Variants in KLHL29 observed in about 807,000 individuals in gnomAD.
The protein encoded by KLHL29 is kelch-like protein 29.
KLHL29 carries 21 observed loss-of-function variants against 80.4 expected under a neutral mutation model. The ratio of observed to expected loss-of-function variants is 0.26; its 90% CI spans 0.19 to 0.38. The LOEUF is 0.38. KLHL29 is among the 10% of genes least tolerant of loss of function. The pLI is 1.00. For synonymous variants in KLHL29, 511 were observed against 526.8 expected (o/e 0.97, Z 0.41); for missense variants, 867 against 1,223.9 (o/e 0.71, Z 4.35).
intron 1 of KLHL29, among the ~76,000 whole-genome samples, chr2:23,402,915 GTA>G (rs1666629338): frequency 1.3e-5 from 2 of 150,020 alleles, no homozygotes; most frequent in Non-Finnish European, 1.5e-5. Context: ...CTATGTATGT[GTA>G]TATATCTTAT....
intron 2 of KLHL29, among the ~76,000 whole-genome samples, chr2:23,481,742 G>C (rs4665597): frequency 0.34 from 51,541 of 152,116 alleles, 9,848 homozygotes; most frequent in Admixed American, 0.47. Context: ...ATGGCGAAAC[G>C]CTGTCTCTAC....
intron 2 of KLHL29, among the ~76,000 whole-genome samples, chr2:23,493,663 ATGTGTGTGCATGTGTATG>A (rs1160722472): frequency 2.0e-5 from 3 of 151,678 alleles, no homozygotes; most frequent in Admixed American, 6.6e-5. Flanking sequence ...GTGTGCGCGC[ATGTGTGTGCATGTGTATG>A]TGTGTGTGCA....
At chr2:23,628,000 C>T (rs749119979) in intron 3 of KLHL29, among the ~76,000 whole-genome samples, 18 of 151,554 alleles carry the variant, frequency 1.2e-4, no homozygotes, top group South Asian at 8.4e-4. Context: ...CTCCGCTTCC[C>T]GGGGAGCTGG....
intron 2 of KLHL29, among the ~76,000 whole-genome samples, chr2:23,501,036 G>A (rs1665421841): frequency 6.6e-6 from 1 of 152,188 alleles, no homozygotes; most frequent in African/African-American, 2.4e-5. Flanking sequence ...GAGCTGACGA[G>A]CAGCTTGATT....
chr2:23,533,664 A>G (rs1666572403), intron 2 of KLHL29, among the ~76,000 whole-genome samples: 1 of 152,140 alleles, frequency 6.6e-6, no homozygotes, highest in South Asian at 2.1e-4. Flanking sequence ...CATTTGTAAC[A>G]GTGTGAGGAC....
intron 3 of KLHL29, among the ~76,000 whole-genome samples, chr2:23,593,200 G>A (rs1668312217): frequency 6.6e-6 from 1 of 152,192 alleles, no homozygotes; most frequent in Non-Finnish European, 1.5e-5. Flanking sequence ...TGCCTCCTCT[G>A]GTGGCTTGTT....
chr2:23,505,360 C>G (rs1665567867), intron 2 of KLHL29, among the ~76,000 whole-genome samples: 1 of 152,232 alleles, frequency 6.6e-6, no homozygotes, highest in South Asian at 2.1e-4. Context: ...CAGAGGCTCT[C>G]CCCGGCTGGG....
At position 23,682,307 on chromosome 2, in the gene KLHL29, C is replaced by T. The variant is rs1671109687; in HGVS notation, c.941-2092C>T. Among the ~76,000 whole-genome samples the T allele has an allele frequency of 1.3e-5, 2 of 152,330 alleles. No individual in the cohort carries two copies. The highest frequency in any genetic ancestry group is 2.1e-4 in the South Asian group (1 of 4,830). On this transcript the variant is annotated intron_variant, in intron 5 of 13. Transcript: ENST00000486442. This position sits in a 1 kb window ranked among gnomAD's most constrained non-coding sequence, Gnocchi z 4.1. ...ACATGCTGTCTCATGGAACCTTCAA[C>T]AAGTGTGGACCCTGAGGCTCTGAGG...
intron 3 of KLHL29, chr2:23,616,446 ATGT>A (rs1394688777): frequency 6.6e-6 from 1 of 152,198 alleles, no homozygotes; most frequent in African/African-American, 2.4e-5. Context: ...AAGTCTCTAA[ATGT>A]TGTCCTCGCC....
At chr2:23,622,078 C>A (rs955161602) in intron 3 of KLHL29, among the ~76,000 whole-genome samples, 1 of 152,178 alleles carries the variant, frequency 6.6e-6, no homozygotes, top group Non-Finnish European at 1.5e-5. Flanking sequence ...CTTCCAGCAC[C>A]CTCTCATCAG....
At chr2:23,689,524 A>G (rs536416463) in intron 6 of KLHL29, 1 of 152,502 alleles carries the variant, frequency 6.6e-6, no homozygotes, top group Admixed American at 6.5e-5. Flanking sequence ...GTGCGTGTGC[A>G]TGTGCTCGCA....
In KLHL29 at chr2:23,638,838, C is replaced by T. The variant is rs542985821; in HGVS notation, c.286-301C>T. ...ATCTCATATCTCAGAATGCTCTTCC[C>T]GTTGTGATAGGGCAGGTGGAGTGAG... On this transcript the variant is annotated intron_variant, in intron 3 of 13. Coordinates refer to ENST00000486442, the MANE Select transcript of KLHL29 (RefSeq NM_052920.2). Among the ~76,000 whole-genome samples the T allele has an allele frequency of 5.9e-5, 9 of 152,300 alleles. No individual in the cohort carries two copies. The South Asian group carries it at 1.7e-3, about 28-fold the overall frequency.
At chr2:23,442,165 T>G (rs895291422) in intron 1 of KLHL29, among the ~76,000 whole-genome samples, 1 of 152,004 alleles carries the variant, frequency 6.6e-6, no homozygotes, top group Non-Finnish European at 1.5e-5. Context: ...CTTACTGCAG[T>G]CTCTATCTCC....
chr2:23,573,807 G>A (rs1667777086), intron 3 of KLHL29, among the ~76,000 whole-genome samples: 3 of 152,198 alleles, frequency 2.0e-5, no homozygotes, highest in East Asian at 1.9e-4. Context: ...GGACCGTTGG[G>A]CCTTAAAGCC....
chr2:23,508,263 A>G (rs1425034709), intron 2 of KLHL29, among the ~76,000 whole-genome samples: 1 of 152,226 alleles, frequency 6.6e-6, no homozygotes, highest in African/African-American at 2.4e-5. Context: ...TTCAGACAGA[A>G]CACAGTGGGG....
chr2:23,481,667 G>A (rs1432123444), intron 2 of KLHL29, among the ~76,000 whole-genome samples: 2 of 152,210 alleles, frequency 1.3e-5, no homozygotes, highest in African/African-American at 2.4e-5. Flanking sequence ...TGTAATCCCA[G>A]CACTTTGAGA....
At chr2:23,392,766 C>T (rs773421952) in intron 1 of KLHL29, among the ~76,000 whole-genome samples, 3 of 152,176 alleles carry the variant, frequency 2.0e-5, no homozygotes, top group African/African-American at 4.8e-5. Flanking sequence ...TGTGCACATG[C>T]GCCTATGTCT....
chr2:23,628,482 G>A (rs546906306), intron 3 of KLHL29, among the ~76,000 whole-genome samples: 2 of 152,228 alleles, frequency 1.3e-5, no homozygotes, highest in Middle Eastern at 3.4e-3. Context: ...GGCCTGAGTC[G>A]CTGGGCTCAC....
At chr2:23,411,081 T>A (rs1666847859) in intron 1 of KLHL29, among the ~76,000 whole-genome samples, 1 of 152,226 alleles carries the variant, frequency 6.6e-6, no homozygotes, top group Admixed American at 6.5e-5. Flanking sequence ...ATTAAGCACC[T>A]GCTCTGTGCC....
Sources: allele counts gnomAD v4.1 joint callset (sites outside exome capture counted in the v4.1 genomes callset), GRCh38; gene constraint gnomAD v4.1.1; non-coding constraint Gnocchi (gnomAD v3.1); transcripts MANE v1.5; gene names NCBI Gene and HGNC (gene_info 2026-07-23, HGNC 2026-07-21).